RTKN2: variants seen among roughly 807,000 people sequenced by gnomAD.
The protein encoded by RTKN2 is rhotekin-2.
In RTKN2, 69 loss-of-function variants were observed where a neutral mutation model predicts 71.5. The ratio of observed to expected loss-of-function variants is 0.96; its 90% CI spans 0.79 to 1.18. The LOEUF is 1.18. Ranked by LOEUF, RTKN2 falls within the 50% of genes most tolerant of loss-of-function variation. RTKN2 has a pLI of 0.00. For synonymous variants in RTKN2, 236 were observed against 236.5 expected, an observed-to-expected ratio of 1.00 and a Z score of 0.02; for missense variants, 724 against 719.7, an observed-to-expected ratio of 1.01 and a Z score of -0.07.
Position 62,262,788 on chromosome 10 carries a change from T to C in RTKN2, c.94A>G (p.Ile32Val). The C allele has an allele frequency of 6.2e-7, 1 of 1,609,758 alleles. No individual in the cohort carries two copies. The highest frequency in any genetic ancestry group is 8.5e-7 in the Non-Finnish European group (1 of 1,178,582). Residue 32 changes from isoleucine (I) to valine (V), a missense_variant, in exon 2 of 12, where the codon ATT becomes GTT. By Grantham distance (29) the Ile-to-Val change is conservative. Transcript: ENST00000373789. ...CNIQEKIDLE[I>V]RMREGIWKLL... ...TTCCATATTCCTTCTCGCATTCGAA[T>C]TTCTAAGTCTATTTTTTCTTGAATG...
intron 2 of RTKN2, among the ~76,000 whole-genome samples, chr10:62,252,142 T>C (rs1036668107): frequency 2.0e-5 from 3 of 152,054 alleles, no homozygotes; most frequent in Non-Finnish European, 2.9e-5. Flanking sequence ...CCCCAAAATG[T>C]GCCAAATGGT....
chr10:62,194,174 T>C lies in RTKN2; in HGVS notation c.*3734A>G. The C allele has an allele frequency of 1.0e-6, 1 of 981,068 alleles. No homozygotes were observed. The allele number at this position is 981,068 out of a possible 1,614,324, so 60.8% of individuals were successfully genotyped here. On this transcript the variant is annotated 3_prime_UTR_variant, in exon 12 of 12. Coordinates refer to ENST00000373789, the MANE Select transcript of RTKN2 (RefSeq NM_145307.4). The stretch of plus-strand genomic sequence containing the variant: ...AAACAAAGCCAATTACACAAGCATG[T>C]CAGAAAATCAACACACCCTAATATA...
chr10:62,259,144 G>A, intron 2 of RTKN2: 1 of 446,316 alleles, frequency 2.2e-6, no homozygotes, highest in Non-Finnish European at 4.5e-6. Context: ...GTTTTATAAA[G>A]GGCAGTTCCC....
At chr10:62,246,835 A>T (rs1227881832) in intron 2 of RTKN2, among the ~76,000 whole-genome samples, 2 of 151,880 alleles carry the variant, frequency 1.3e-5, no homozygotes, top group African/African-American at 4.8e-5. Flanking sequence ...CTGGGGATAT[A>T]AGACACTTCC....
At chr10:62,246,393 A>G (rs147928597) in intron 2 of RTKN2, among the ~76,000 whole-genome samples, 91 of 152,236 alleles carry the variant, frequency 6.0e-4, no homozygotes, top group African/African-American at 2.0e-3. Context: ...ATAATACCTT[A>G]GATCACAATT....
rs974319795 is a variant in RTKN2 at position 62,196,521 on chromosome 10, G to A, written c.*1387C>T. ...CCCCGCTATCTGAAAATAATGAAAG[G>A]CTCCATTTAAATTAATGTGGTTTTT... On this transcript the variant is annotated 3_prime_UTR_variant, in exon 12 of 12. Coordinates refer to ENST00000373789, the MANE Select transcript of RTKN2 (RefSeq NM_145307.4). 1 of 984,986 alleles carries A rather than the reference G, an allele frequency of 1.0e-6. No individual in the cohort carries two copies. The allele number at this position is 984,986 out of a possible 1,614,324, so 61.0% of individuals were successfully genotyped here.
chr10:62,239,257 A>C (rs1216448702), intron 5 of RTKN2: 1 of 156,226 alleles, frequency 6.4e-6, no homozygotes, highest in African/African-American at 2.4e-5. Context: ...GTATTTCTGC[A>C]ACCAAATATC....
chr10:62,241,069 T>C (rs1325129722), intron 4 of RTKN2, 73 bp downstream of exon 4: 2 of 772,756 alleles, frequency 2.6e-6, no homozygotes, highest in Non-Finnish European at 2.1e-6. Flanking sequence ...AAGGAAGCAG[T>C]CTTTTTTCTC....
rs1183900841 is a variant in RTKN2 at position 62,268,628 on chromosome 10, C to T, written c.-18G>A. ...CCCTCCATCTCCAACGCGAACTGTCCGGGCCGTCGCCACTCCTTCAAAGGG... is the reference window on the plus strand; with the variant it reads ...CCCTCCATCTCCAACGCGAACTGTCTGGGCCGTCGCCACTCCTTCAAAGGG... On this transcript the variant is annotated 5_prime_UTR_variant, in exon 1 of 12. Transcript: ENST00000373789. 2 of 1,552,090 alleles carry T rather than the reference C, an allele frequency of 1.3e-6. No homozygotes were observed. Among genetic ancestry groups the T allele is most frequent in the South Asian group, 1.2e-5 (1 of 84,122 alleles).
intron 9 of RTKN2, among the ~76,000 whole-genome samples, chr10:62,210,289 A>C (rs1016409629): frequency 1.3e-5 from 2 of 152,184 alleles, no homozygotes; most frequent in African/African-American, 2.4e-5. Context: ...AATTTTCTTA[A>C]GTGTGACAAT....
chr10:62,228,792 G>A (rs895056353), intron 6 of RTKN2, among the ~76,000 whole-genome samples: 3 of 152,124 alleles, frequency 2.0e-5, no homozygotes, highest in African/African-American at 7.2e-5. Flanking sequence ...AAACACTGAG[G>A]CAGATGTGGG....
rs74493493 is a variant in RTKN2, at chr10:62,247,011, T to C, written c.258-954A>G. On this transcript the variant is annotated intron_variant, in intron 2 of 11. Transcript: ENST00000373789. ...CTAAGAGTATTCTTTGTATTTTTCA[T>C]TCCTATTTAATTTGGTCAGCTAATT... Among the ~76,000 whole-genome samples the C allele has an allele frequency of 9.2e-5, 14 of 152,128 alleles. No homozygotes were observed. In the East Asian group the frequency reaches 2.5e-3, roughly 27 times the overall value.
rs1246557227 is a variant in RTKN2, at chr10:62,194,843, A to G, written c.*3065T>C. On this transcript the variant is annotated 3_prime_UTR_variant, in exon 12 of 12. Transcript: ENST00000373789. ...GGTAAAATGCATTTAGTAAGATCCC[A>G]AAGGGTAAAGATAAGGCATTTATAA... 1 of 985,124 alleles carries G rather than the reference A, an allele frequency of 1.0e-6. No homozygotes were observed. The highest frequency in any genetic ancestry group is 1.1e-4 in the East Asian group (1 of 8,828). The allele number at this position is 985,124 out of a possible 1,614,324, so 61.0% of individuals were successfully genotyped here.
intron 10 of RTKN2, among the ~76,000 whole-genome samples, chr10:62,200,760 T>G (rs10995083): frequency 6.6e-5 from 10 of 151,984 alleles, no homozygotes; most frequent in African/African-American, 2.4e-4. Flanking sequence ...CTGTATTTTC[T>G]TTTAGGTTTT....
chr10:62,238,179 G>A (rs1216541057), intron 5 of RTKN2: 1 of 151,782 alleles, frequency 6.6e-6, no homozygotes, highest in Non-Finnish European at 1.5e-5. Context: ...TTATTATTTG[G>A]CAACTTTTAA....
At position 62,262,838 on chromosome 10, in the gene RTKN2, T is replaced by A; in HGVS notation, c.61-17A>T. Reference sequence around the variant, plus strand: ...GTTGCAGTCCTAAAAAAAAAATGCATCTTGAAAATATAGCAAAAACCCAAA... The same window carrying A: ...GTTGCAGTCCTAAAAAAAAAATGCAACTTGAAAATATAGCAAAAACCCAAA... On this transcript the variant is annotated splice_polypyrimidine_tract_variant and intron_variant, in intron 1 of 11. Transcript: ENST00000373789. The A allele has an allele frequency of 6.4e-7, 1 of 1,564,558 alleles. No individual in the cohort carries two copies. Among genetic ancestry groups the A allele is most frequent in the Non-Finnish European group, 8.7e-7 (1 of 1,148,244 alleles).
At chr10:62,190,267 C>T (rs1175238838), downstream of RTKN2, among the ~76,000 whole-genome samples, 9 of 152,120 alleles carry the variant, frequency 5.9e-5, no homozygotes, top group African/African-American at 2.2e-4. Flanking sequence ...TGCTATTTCA[C>T]GTTTATCAGA....
intron 2 of RTKN2, among the ~76,000 whole-genome samples, chr10:62,259,499 G>T (rs1842734434): frequency 1.3e-5 from 2 of 152,086 alleles, no homozygotes; most frequent in Non-Finnish European, 2.9e-5. Context: ...CAACACAACA[G>T]ATCTTTTCCC....
intron 7 of RTKN2, among the ~76,000 whole-genome samples, chr10:62,222,471 T>C (rs1292067823): frequency 3.3e-5 from 5 of 152,150 alleles, no homozygotes; most frequent in African/African-American, 4.8e-5. Context: ...ATTTTTAACA[T>C]AATTTCTCAT....
Sources: allele counts gnomAD v4.1 joint callset (sites outside exome capture counted in the v4.1 genomes callset), GRCh38; gene constraint gnomAD v4.1.1; transcripts MANE v1.5; gene names NCBI Gene and HGNC (gene_info 2026-07-23, HGNC 2026-07-21).